Variants in GON4L observed in about 807,000 individuals in gnomAD.
GON4L encodes the protein gon-4 like.
In GON4L, 87 loss-of-function variants were observed where a neutral mutation model predicts 211.8. That is an observed-to-expected ratio of 0.41 (90% CI 0.35 to 0.49). GON4L has a LOEUF of 0.49. Among genes scored for constraint, GON4L ranks in the 20% least tolerant of loss-of-function variants. The pLI, the probability that GON4L is intolerant of heterozygous loss-of-function variation, is 0.15. For synonymous variants in GON4L, 875 were observed against 962.6 expected (o/e 0.91, Z 1.68); for missense variants, 2,155 against 2,659.5 (o/e 0.81, Z 4.17).
At chr1:155,774,129 G>A (rs1249824879) in intron 17 of GON4L, among the ~76,000 whole-genome samples, 1 of 152,080 alleles carries the variant, frequency 6.6e-6, no homozygotes, top group Non-Finnish European at 1.5e-5. Context: ...TAAATAGCAA[G>A]TATTTTCTAA....
intron 9 of GON4L, 67 bp from the exon 10 acceptor site, chr1:155,813,871 GAA>G (rs1304979078): frequency 7.5e-7 from 1 of 1,337,820 alleles, no homozygotes; most frequent in Non-Finnish European, 1.1e-6. Flanking sequence ...GCAAAAAAAG[GAA>G]AAAAAGAGAG....
At chr1:155,814,538 TATCA>T (rs1168780199) in intron 8 of GON4L, 89 bp from the exon 9 acceptor site, 18 of 1,330,046 alleles carry the variant, frequency 1.4e-5, no homozygotes, top group Middle Eastern at 1.8e-4. Context: ...AATCATAAAA[TATCA>T]ATCACTCAGC....
At chr1:155,780,940 T>C (rs1306926114) in intron 14 of GON4L, among the ~76,000 whole-genome samples, 1 of 152,096 alleles carries the variant, frequency 6.6e-6, no homozygotes, top group East Asian at 1.9e-4. Context: ...TCATTCTTTC[T>C]TTTATAGTAT....
intron 6 of GON4L, among the ~76,000 whole-genome samples, chr1:155,819,628 T>C (rs1668565487): frequency 6.6e-6 from 1 of 152,162 alleles, no homozygotes; most frequent in South Asian, 2.1e-4. Flanking sequence ...ATATTTTCGG[T>C]CTGTAAGGCA....
intron 17 of GON4L, among the ~76,000 whole-genome samples, chr1:155,774,199 C>G (rs1663519899): frequency 6.6e-6 from 1 of 152,050 alleles, no homozygotes; most frequent in South Asian, 2.1e-4. Context: ...AAATACTGAA[C>G]ATGGCAAATG....
intron 17 of GON4L, 96 bp downstream of exon 17, chr1:155,774,906 C>T (rs1663619517): frequency 8.6e-6 from 13 of 1,518,732 alleles, no homozygotes; most frequent in Non-Finnish European, 1.2e-5. Context: ...CTGTGTCCTC[C>T]ATTCCTAGGC....
chr1:155,755,073 T>TC (rs1661036132), intron 27 of GON4L, among the ~76,000 whole-genome samples: 1 of 147,108 alleles, frequency 6.8e-6, no homozygotes, highest in Non-Finnish European at 1.5e-5. Context: ...GCTAATTTTT[T>TC]TTTTTTTTTT....
At chr1:155,753,076 T>G in intron 29 of GON4L, 128 bp downstream of exon 29, 1 of 695,552 alleles carries the variant, frequency 1.4e-6, no homozygotes, top group East Asian at 2.7e-5. Context: ...TTCCTATGGG[T>G]CCATCAGTGA....
chr1:155,748,000 T>A (rs1389766914), downstream of GON4L: 1 of 1,599,694 alleles, frequency 6.3e-7, no homozygotes, highest in African/African-American at 1.3e-5. Context: ...ACATCTATCG[T>A]CTATTAAACA....
At chr1:155,787,066 C>A (rs906773952) in intron 12 of GON4L, among the ~76,000 whole-genome samples, 1 of 147,762 alleles carries the variant, frequency 6.8e-6, no homozygotes, top group Non-Finnish European at 1.5e-5. Context: ...GGACTACAGG[C>A]GCCTGCCACC....
At chr1:155,773,701 A>T (rs929438740) in intron 17 of GON4L, among the ~76,000 whole-genome samples, 2 of 152,208 alleles carry the variant, frequency 1.3e-5, no homozygotes, top group Admixed American at 6.5e-5. Context: ...TGGGAACAAA[A>T]GAACCATAAA....
intron 2 of GON4L, among the ~76,000 whole-genome samples, chr1:155,832,279 C>CAAAAAAAAAAAAAAAAA: frequency 1.7e-5 from 1 of 57,354 alleles, no homozygotes; most frequent in Non-Finnish European, 3.1e-5. Context: ...GACTCCGTCT[C>CAAAAAAAAAAAAAAAAA]AAAAAAAAAA....
At chr1:155,850,643 T>C (rs1671685210) in intron 2 of GON4L, among the ~76,000 whole-genome samples, 1 of 152,110 alleles carries the variant, frequency 6.6e-6, no homozygotes, top group Non-Finnish European at 1.5e-5. Flanking sequence ...AATTCTTCAA[T>C]ATAAACACAC....
At chr1:155,780,897 T>C (rs978366927) in intron 14 of GON4L, among the ~76,000 whole-genome samples, 2 of 152,256 alleles carry the variant, frequency 1.3e-5, no homozygotes, top group East Asian at 3.9e-4. Context: ...AGTTAATTTT[T>C]AAAAGTTATC....
At chr1:155,779,542 C>T (rs1413336060) in intron 14 of GON4L, among the ~76,000 whole-genome samples, 4 of 152,016 alleles carry the variant, frequency 2.6e-5, no homozygotes, top group African/African-American at 4.8e-5. Flanking sequence ...GTCTCGATCT[C>T]TTGACCTCAT....
chr1:155,780,454 G>A (rs959648617), intron 14 of GON4L, among the ~76,000 whole-genome samples: 1 of 151,990 alleles, frequency 6.6e-6, no homozygotes, highest in Non-Finnish European at 1.5e-5. Context: ...TTAGCTGGCC[G>A]TGGTGATGCG....
At chr1:155,767,279 A>G (rs1434190632) in intron 20 of GON4L, 146 bp downstream of exon 20, 1 of 1,562,574 alleles carries the variant, frequency 6.4e-7, no homozygotes, top group East Asian at 2.3e-5. Context: ...AGGGCAGAAA[A>G]GTAAGGGAAG....
intron 2 of GON4L, among the ~76,000 whole-genome samples, chr1:155,837,209 G>T (rs1049069087): frequency 1.3e-5 from 2 of 151,706 alleles, no homozygotes; most frequent in Non-Finnish European, 2.9e-5. Flanking sequence ...CAAAATGAGG[G>T]TCCCAAATGA....
intron 10 of GON4L, 99 bp from the exon 11 acceptor site, chr1:155,805,240 C>A: frequency 1.3e-6 from 1 of 787,742 alleles, no homozygotes; most frequent in Non-Finnish European, 2.3e-6. Context: ...CAGGATCCTT[C>A]CTCTAAACAA....
Sources: allele counts gnomAD v4.1 joint callset (sites outside exome capture counted in the v4.1 genomes callset), GRCh38; gene constraint gnomAD v4.1.1; transcripts MANE v1.5; gene names NCBI Gene and HGNC (gene_info 2026-07-23, HGNC 2026-07-21).